VOPP1: variants seen among roughly 807,000 people sequenced by gnomAD.
VOPP1 encodes the protein WW domain binding protein VOPP1.
Under a neutral mutation model 23.5 loss-of-function variants are expected in VOPP1, and 8 were observed. That is an observed-to-expected ratio of 0.34 (90% CI 0.20 to 0.61). VOPP1 has a LOEUF of 0.61. VOPP1 is among the 20% of genes least tolerant of loss of function. The pLI is 0.78. For missense variants in VOPP1, 174 were observed against 238.1 expected, an observed-to-expected ratio of 0.73 and a Z score of 1.77; for synonymous variants, 83 against 97.3, an observed-to-expected ratio of 0.85 and a Z score of 0.86.
intron 2 of VOPP1, 53 bp from the exon 3 acceptor site, chr7:55,497,743 C>T (rs907123090): frequency 2.2e-5 from 34 of 1,534,260 alleles, no homozygotes; most frequent in African/African-American, 2.7e-5. Context: ...AGCCACCGGA[C>T]CAGCCATGCG....
At chr7:55,481,057 T>C (rs1583863607) in intron 4 of VOPP1, among the ~76,000 whole-genome samples, 1 of 151,578 alleles carries the variant, frequency 6.6e-6, no homozygotes, top group South Asian at 2.1e-4. Context: ...CATGAGGAGG[T>C]GAAGGACCTC....
rs933151086 is a variant in VOPP1, at chr7:55,521,141, A to T, written c.55-11T>A. On this transcript the variant is annotated splice_polypyrimidine_tract_variant and intron_variant, in intron 1 of 4. Transcript: ENST00000285279. ...TTTGGCTTCTGTGCACTGCAAATAGAAGCAAGAAAAAGTTTGTCAGTACTC... is the reference window on the plus strand; with the variant it reads ...TTTGGCTTCTGTGCACTGCAAATAGTAGCAAGAAAAAGTTTGTCAGTACTC... 1.3e-6 allele frequency: 2 copies of T among 1,568,702 alleles called. No homozygotes were observed. Among genetic ancestry groups the T allele is most frequent in the African/African-American group, 2.7e-5 (2 of 74,050 alleles).
intron 2 of VOPP1, among the ~76,000 whole-genome samples, chr7:55,498,316 C>T (rs552310120): frequency 1.3e-5 from 2 of 152,346 alleles, no homozygotes; most frequent in African/African-American, 4.8e-5. Flanking sequence ...GGCACTATCA[C>T]TGCTCACGCT....
chr7:55,486,359 G>A (rs954461242), intron 4 of VOPP1, among the ~76,000 whole-genome samples: 5 of 152,242 alleles, frequency 3.3e-5, no homozygotes, highest in Admixed American at 2.6e-4. Flanking sequence ...AACAGCTGCT[G>A]CTTTTGTATG....
chr7:55,478,699 C>T (rs1317542013), intron 4 of VOPP1, among the ~76,000 whole-genome samples: 1 of 152,232 alleles, frequency 6.6e-6, no homozygotes, highest in Admixed American at 6.5e-5. Flanking sequence ...GGAATAGAAC[C>T]AGGACCTCAG....
chr7:55,540,398 AAAATAAATAAATAAATAAATAAAT>A (rs200219554), intron 1 of VOPP1, among the ~76,000 whole-genome samples: 15 of 141,874 alleles, frequency 1.1e-4, no homozygotes, highest in East Asian at 1.0e-3. Flanking sequence ...CTCTGTCTCA[AAAATAAATAAATAAATAAATAAAT>A]AAATAAATAA....
intron 4 of VOPP1, among the ~76,000 whole-genome samples, chr7:55,456,757 C>T (rs888685135): frequency 2.7e-4 from 41 of 152,026 alleles, no homozygotes; most frequent in African/African-American, 9.9e-4. Context: ...AATGAAAACA[C>T]ATGGACACAG....
At chr7:55,437,795 C>T (rs911565211) in intron 4 of VOPP1, among the ~76,000 whole-genome samples, 2 of 152,028 alleles carry the variant, frequency 1.3e-5, no homozygotes, top group African/African-American at 4.8e-5. Flanking sequence ...TGAGAGATTT[C>T]AACTTTATCT....
At chr7:55,438,333 A>T (rs1790882208) in intron 4 of VOPP1, among the ~76,000 whole-genome samples, 1 of 152,150 alleles carries the variant, frequency 6.6e-6, no homozygotes, top group South Asian at 2.1e-4. Context: ...AGTGAAGAAA[A>T]CAGGCGAAGA....
intron 4 of VOPP1, among the ~76,000 whole-genome samples, chr7:55,450,464 T>A (rs971457280): frequency 1.3e-5 from 2 of 152,198 alleles, no homozygotes; most frequent in African/African-American, 4.8e-5. Context: ...CCACTCCAAG[T>A]GGAAGTGTGC....
rs549737984 is a variant in VOPP1 at position 55,492,684 on chromosome 7, C to T, written c.192-266G>A. Among the ~76,000 whole-genome samples the T allele has an allele frequency of 1.1e-3, 168 of 152,190 alleles. 2 individuals are homozygous for T. Among genetic ancestry groups the T allele is most frequent in the Non-Finnish European group, 2.1e-3 (140 of 68,026 alleles). ...TCTGGGACAGCCCCTGGTGAGGCCACCCACCCTGAAAAGCACCGTAAAAGA... is the reference window on the plus strand; with the variant it reads ...TCTGGGACAGCCCCTGGTGAGGCCATCCACCCTGAAAAGCACCGTAAAAGA... On this transcript the variant is annotated intron_variant, in intron 3 of 4. Transcript: ENST00000285279.
At chr7:55,510,609 TA>T (rs1263672712) in intron 2 of VOPP1, among the ~76,000 whole-genome samples, 1 of 150,792 alleles carries the variant, frequency 6.6e-6, no homozygotes, top group Non-Finnish European at 1.5e-5. Context: ...ATATTTAACT[TA>T]ACCACTCAGT....
At chr7:55,552,747 C>A in intron 1 of VOPP1, 1 of 1,533,672 alleles carries the variant, frequency 6.5e-7, no homozygotes, top group Non-Finnish European at 8.7e-7. Context: ...TGCCGGCACA[C>A]GGAGTTCACG....
intron 1 of VOPP1, among the ~76,000 whole-genome samples, chr7:55,532,475 A>G (rs1016349880): frequency 2.0e-5 from 3 of 152,254 alleles, no homozygotes. Context: ...CTTGAGAATC[A>G]TGGTCAAGTA....
At chr7:55,566,997 T>G (rs1798184190) in intron 1 of VOPP1, among the ~76,000 whole-genome samples, 1 of 152,156 alleles carries the variant, frequency 6.6e-6, no homozygotes, top group South Asian at 2.1e-4. Flanking sequence ...TCATTTCCCC[T>G]CAATATTACA....
intron 1 of VOPP1, among the ~76,000 whole-genome samples, chr7:55,534,619 A>C (rs958327880): frequency 1.3e-5 from 2 of 152,038 alleles, no homozygotes; most frequent in African/African-American, 2.4e-5. Context: ...CTCCCCACCC[A>C]TTTCTCCAGC....
At chr7:55,438,831 G>A (rs1041611796) in intron 4 of VOPP1, among the ~76,000 whole-genome samples, 1 of 152,210 alleles carries the variant, frequency 6.6e-6, no homozygotes, top group Non-Finnish European at 1.5e-5. Context: ...GAGGGAAACG[G>A]CTGTGGCTAC....
chr7:55,561,151 G>C (rs562834222), intron 1 of VOPP1, among the ~76,000 whole-genome samples: 4 of 152,052 alleles, frequency 2.6e-5, no homozygotes, highest in Non-Finnish European at 5.9e-5. Flanking sequence ...CCATGACCTG[G>C]AGGCCCAGGT....
chr7:55,514,475 G>A (rs1376878885), intron 2 of VOPP1, among the ~76,000 whole-genome samples: 1 of 152,142 alleles, frequency 6.6e-6, no homozygotes, highest in African/African-American at 2.4e-5. Flanking sequence ...CCCAAAGAAT[G>A]CTTTCAGAAT....
Sources: gnomAD v4.1 joint callset for allele counts (sites outside exome capture counted in the v4.1 genomes callset) on GRCh38, gnomAD v4.1.1 for gene constraint, MANE v1.5 for transcripts, NCBI Gene and HGNC (gene_info 2026-07-23, HGNC 2026-07-21) for gene names.